The following CCDC88B variants were observed in gnomAD, a reference collection of about 807,000 sequenced individuals.
CCDC88B encodes the protein coiled-coil and HOOK domain protein 88B, also known as coiled-coil domain-containing protein 88B.
Under a neutral mutation model 183.7 loss-of-function variants are expected in CCDC88B, and 138 were observed. That is an observed-to-expected ratio of 0.75 (90% CI 0.65 to 0.87). The LOEUF is 0.87. Ranked by LOEUF, CCDC88B falls within the 40% of genes least tolerant of loss-of-function variation. CCDC88B has a pLI of 0.00. For synonymous variants in CCDC88B, 835 were observed against 867.5 expected (o/e 0.96, Z 0.66); for missense variants, 1,822 against 1,965.6 (o/e 0.93, Z 1.38).
chr11:64,341,844 GTT>G, intron 7 of CCDC88B, 102 bp downstream of exon 7: 2 of 746,924 alleles, frequency 2.7e-6, no homozygotes, highest in South Asian at 2.4e-5. Flanking sequence ...CAGGCATGGG[GTT>G]GTGGTCTGAG....
chr11:64,353,944 C>T (rs2036441320), intron 23 of CCDC88B, 60 bp from the exon 24 acceptor site: 2 of 1,556,736 alleles, frequency 1.3e-6, no homozygotes, highest in African/African-American at 2.7e-5. Flanking sequence ...ATCCCCAGGA[C>T]ACCCTTTGCT....
At position 64,349,564 on chromosome 11, in the gene CCDC88B, G is replaced by C. The variant is rs1436510966; in HGVS notation, c.2758G>C (p.Glu920Gln). ...TTCTCCTGGCAGGTACCAGGGCTTG[G>C]AGCAGCGGCTGGAAGCTGAGCTGCA... Reference protein sequence around the residue: ...ESQHQRYQGLEQRLEAELQAA... With the variant: ...ESQHQRYQGLQQRLEAELQAA... The change falls in exon 16 of 27, where the codon GAG becomes CAG. Residue 920 changes from glutamate (E) to glutamine (Q), a missense_variant. Coordinates refer to ENST00000356786, the MANE Select transcript of CCDC88B (RefSeq NM_032251.6). 3.1e-6 allele frequency: 5 copies of C among 1,601,096 alleles called. No individual in the cohort carries two copies. The highest frequency in any genetic ancestry group is 8.5e-7 in the Non-Finnish European group (1 of 1,175,400).
At position 64,357,035 on chromosome 11, in the gene CCDC88B, C is replaced by T; in HGVS notation, c.4376-4C>T. 6.3e-7 allele frequency: 1 copy of T among 1,581,338 alleles called. No individual in the cohort carries two copies. The highest frequency in any genetic ancestry group is 8.6e-7 in the Non-Finnish European group (1 of 1,161,702). The stretch of plus-strand genomic sequence containing the variant: ...GCAGATCTCAGCTGAGCCTTTCCCT[C>T]TAGGCCCTGAGGTACAGGAACCGGA... On this transcript the variant is annotated splice_region_variant and splice_polypyrimidine_tract_variant and intron_variant, in intron 26 of 26. Coordinates refer to ENST00000356786, the MANE Select transcript of CCDC88B (RefSeq NM_032251.6).
chr11:64,341,042 G>A, intron 3 of CCDC88B, 24 bp downstream of exon 3: 1 of 1,613,092 alleles, frequency 6.2e-7, no homozygotes, highest in Non-Finnish European at 8.5e-7. Flanking sequence ...AGGGAAAGGC[G>A]GAGACAGGAG....
chr11:64,351,390 C>G, intron 17 of CCDC88B, 86 bp from the exon 18 acceptor site: 1 of 1,533,446 alleles, frequency 6.5e-7, no homozygotes, highest in South Asian at 1.2e-5. Flanking sequence ...GGTGGGGGTG[C>G]CCCATGCAGT....
At chr11:64,348,198 T>G (rs1430436304) in intron 14 of CCDC88B, among the ~76,000 whole-genome samples, 1 of 143,976 alleles carries the variant, frequency 6.9e-6, no homozygotes, top group East Asian at 2.0e-4. Context: ...AAGGTGAGGG[T>G]AGGGCTGGCG....
rs966019061 is a variant in CCDC88B at position 64,349,928 on chromosome 11, C to G, written c.2862+260C>G. ...GGATGACTGCTCCGCCTGTCTCACC[C>G]GAGGTCCTCCACTGCCTAGGGAGCT... is the stretch of plus-strand genomic sequence containing the variant. On this transcript the variant is annotated intron_variant, in intron 16 of 26. Transcript: ENST00000356786. The G allele has an allele frequency of 1.1e-5, 6 of 540,786 alleles. No homozygotes were observed. In the African/African-American group the frequency reaches 1.1e-4, roughly 10 times the overall value. The allele number at this position is 540,786 out of a possible 1,614,324, so 33.5% of individuals were successfully genotyped here. A position where few individuals can be genotyped will look rare whatever the true frequency, so the allele number is the denominator to read the frequency against.
rs776915333 is a variant in CCDC88B, at chr11:64,357,141, A to G, written c.*47A>G. 1 of 1,609,104 alleles carries G rather than the reference A, an allele frequency of 6.2e-7. No homozygotes were observed. The highest frequency in any genetic ancestry group is 2.2e-5 in the East Asian group (1 of 44,874). ...GGGAGTGCAGCCTTCTCGGCACTGGAGTGTCAGCGGAGGCCCCAGGCAGCC... is the reference window on the plus strand; with the variant it reads ...GGGAGTGCAGCCTTCTCGGCACTGGGGTGTCAGCGGAGGCCCCAGGCAGCC... On this transcript the variant is annotated 3_prime_UTR_variant, in exon 27 of 27. Coordinates refer to ENST00000356786, the MANE Select transcript of CCDC88B (RefSeq NM_032251.6).
At chr11:64,349,144 C>A in intron 14 of CCDC88B, 187 bp from the exon 15 acceptor site, 1 of 765,380 alleles carries the variant, frequency 1.3e-6, no homozygotes, top group South Asian at 1.5e-5. Context: ...CCAGCTCTTT[C>A]ATGCCCAATT....
chr11:64,354,135 C>T lies in CCDC88B; in HGVS notation c.4064C>T (p.Thr1355Met), dbSNP rs561141914. 1.5e-5 allele frequency: 21 copies of T among 1,370,284 alleles called. No individual in the cohort carries two copies. The highest frequency in any genetic ancestry group is 2.7e-4 in the Middle Eastern group (1 of 3,718). The allele number at this position is 1,370,284 out of a possible 1,614,324, so 84.9% of individuals were successfully genotyped here. A position where few individuals can be genotyped will look rare whatever the true frequency, so the allele number is the denominator to read the frequency against. Residue 1355 changes from threonine (T) to methionine (M), a missense_variant, in exon 24 of 27, where the codon ACG (threonine) becomes ATG (methionine). Transcript: ENST00000356786. ...GAGAGCCTGGGGGGCCCCCCGGAGA[C>T]GGAGCTTCCTGAGGGCAGGGAGGCA... ...STESLGGPPE[T>M]ELPEGREADG...
intron 21 of CCDC88B, 41 bp from the exon 22 acceptor site, chr11:64,353,310 A>G (rs750276399): frequency 2.3e-5 from 37 of 1,604,620 alleles, no homozygotes; most frequent in Middle Eastern, 3.5e-4. Context: ...GGTGGTCCTG[A>G]GCTGGGTCCC....
rs200449802 is a variant in CCDC88B, at chr11:64,344,414, G to A, written c.1873G>A (p.Glu625Lys). The change falls in exon 14 of 27, where the codon GAG becomes AAG. Residue 625 changes from glutamate (E) to lysine (K), a missense_variant. Glu to Lys is a moderately conservative substitution (Grantham distance 56). Transcript: ENST00000356786. The surrounding 1 kb of genome is among the most constrained non-coding windows in gnomAD (Gnocchi z 4.5). ...QAPQLLGGET[E>K]GREAPQGELV... ...CCCGCAGTTGCTGGGAGGAGAGACAGAGGGAAGAGAGGCTCCCCAAGGCGA... is the reference window on the plus strand; with the variant it reads ...CCCGCAGTTGCTGGGAGGAGAGACAAAGGGAAGAGAGGCTCCCCAAGGCGA... The A allele has an allele frequency of 1.4e-5, 23 of 1,589,832 alleles. No individual in the cohort carries two copies. In the East Asian group the frequency reaches 2.7e-4, roughly 19 times the overall value.
In CCDC88B at chr11:64,354,089, G is replaced by A. The variant is rs772978513; in HGVS notation, c.4018G>A (p.Ala1340Thr). The A allele has an allele frequency of 3.5e-6, 5 of 1,422,594 alleles. No individual in the cohort carries two copies. The Middle Eastern group carries it at 8.9e-4, about 252-fold the overall frequency. 88.1% of individuals were successfully genotyped at this position (1,422,594 alleles called of 1,614,324 possible). A position where few individuals can be genotyped will look rare whatever the true frequency, so the allele number is the denominator to read the frequency against. Residue 1340 changes from alanine (A) to threonine (T), a missense_variant, in exon 24 of 27, where the codon GCC (alanine) becomes ACC (threonine). Ala to Thr is a moderately conservative substitution (Grantham distance 58, BLOSUM62 0). Coordinates refer to ENST00000356786, the MANE Select transcript of CCDC88B (RefSeq NM_032251.6). ...GGPPGGLRLGADGAGSTESLG... is the reference protein window; with the variant it reads ...GGPPGGLRLGTDGAGSTESLG... ...CCCCCCTGGGGGGCTGCGCCTGGGG[G>A]CCGATGGGGCTGGCAGCACCGAGAG...
Position 64,342,560 on chromosome 11 carries a change from G to C in CCDC88B, c.942G>C (p.Leu314=), listed in dbSNP as rs975512516. The change falls in exon 10 of 27, where the codon CTG becomes CTC. Residue 314 remains leucine (L), a synonymous_variant. Coordinates refer to ENST00000356786, the MANE Select transcript of CCDC88B (RefSeq NM_032251.6). The part of the protein sequence containing the change: ...ALSGQAKRAE[L]YREEAEALRE... Reference sequence around the variant, plus strand: ...CGGGACAGGCCAAGCGGGCCGAGCTGTACCGCGAGGAGGCAGAGGCGCTGC... The same window carrying C: ...CGGGACAGGCCAAGCGGGCCGAGCTCTACCGCGAGGAGGCAGAGGCGCTGC... The C allele has an allele frequency of 2.3e-5, 35 of 1,531,686 alleles. No individual in the cohort carries two copies. In the African/African-American group the frequency reaches 4.1e-4, roughly 18 times the overall value. 94.9% of individuals were successfully genotyped at this position (1,531,686 alleles called of 1,614,324 possible).
In CCDC88B at chr11:64,345,027, A is replaced by T. The variant is rs1459619385; in HGVS notation, c.2486A>T (p.Glu829Val). 1.9e-6 allele frequency: 3 copies of T among 1,548,034 alleles called. No individual in the cohort carries two copies. In the South Asian group the frequency reaches 3.6e-5, roughly 18 times the overall value. Residue 829 changes from glutamate to valine, a missense_variant, in exon 14 of 27, where the codon GAG (glutamate) becomes GTG (valine). Coordinates refer to ENST00000356786, the MANE Select transcript of CCDC88B (RefSeq NM_032251.6). ...GCGGGCCGGGAGCGGAGGCAGTGGGAGCGTGAGGGGTCCAGGCTGCGGGCC... is the reference window on the plus strand; with the variant it reads ...GCGGGCCGGGAGCGGAGGCAGTGGGTGCGTGAGGGGTCCAGGCTGCGGGCC... ...AAAGRERRQWEREGSRLRAQS... is the reference protein window; with the variant it reads ...AAAGRERRQWVREGSRLRAQS...
rs761098195 is a variant in CCDC88B, at chr11:64,343,856, G to A, written c.1397G>A (p.Arg466Lys). 14 of 1,603,936 alleles carry A rather than the reference G, an allele frequency of 8.7e-6. No individual in the cohort carries two copies. The Admixed American group carries it at 1.7e-4, about 20-fold the overall frequency. Reference protein sequence around the residue: ...AEAGRLRTLERENRELRGLLQ... With the variant: ...AEAGRLRTLEKENRELRGLLQ... ...GCTGGGCGGCTTCGGACCCTTGAGAGGGAGAACCGGGAGCTTCGGGGGCTG... is the reference window on the plus strand; with the variant it reads ...GCTGGGCGGCTTCGGACCCTTGAGAAGGAGAACCGGGAGCTTCGGGGGCTG... The change falls in exon 13 of 27, where the codon AGG becomes AAG. Residue 466 changes from arginine to lysine, a missense_variant. Physicochemically the swap from Arg to Lys is conservative, Grantham distance 26. Coordinates refer to ENST00000356786, the MANE Select transcript of CCDC88B (RefSeq NM_032251.6).
chr11:64,345,212 G>A lies in CCDC88B; in HGVS notation c.2616+55G>A, dbSNP rs1030555059. 1.9e-5 allele frequency: 28 copies of A among 1,511,954 alleles called. No homozygotes were observed. In the East Asian group the frequency reaches 6.1e-4, roughly 33 times the overall value. The allele number at this position is 1,511,954 out of a possible 1,614,324, so 93.7% of individuals were successfully genotyped here. On this transcript the variant is annotated intron_variant, in intron 14 of 26. Transcript: ENST00000356786. Reference sequence around the variant, plus strand: ...TTGGGAAGCAGAGTTCCAGGCTGTTGGGAGTTACTGATTCCATCAGCAGCT... The same window carrying A: ...TTGGGAAGCAGAGTTCCAGGCTGTTAGGAGTTACTGATTCCATCAGCAGCT...
intron 8 of CCDC88B, 55 bp downstream of exon 8, chr11:64,342,194 G>A: frequency 1.3e-6 from 2 of 1,593,070 alleles, no homozygotes; most frequent in Middle Eastern, 1.9e-4. Flanking sequence ...GATTAAGCCT[G>A]GATGGGACCC....
chr11:64,349,734 C>T, intron 16 of CCDC88B, 66 bp downstream of exon 16: 2 of 1,411,434 alleles, frequency 1.4e-6, no homozygotes, highest in Non-Finnish European at 2.0e-6. Flanking sequence ...GAGCAGATGC[C>T]AGGGTCATCT....
Sources: gnomAD v4.1 joint callset for allele counts (sites outside exome capture counted in the v4.1 genomes callset) on GRCh38, gnomAD v4.1.1 for gene constraint, Gnocchi (gnomAD v3.1) non-coding constraint, MANE v1.5 for transcripts, NCBI Gene and HGNC (gene_info 2026-07-23, HGNC 2026-07-21) for gene names.